IGF2BP2: variants seen among roughly 807,000 people sequenced by gnomAD.
The protein encoded by IGF2BP2 is insulin-like growth factor 2 mRNA-binding protein 2.
In IGF2BP2, 17 loss-of-function variants were observed where a neutral mutation model predicts 75.8. The ratio of observed to expected loss-of-function variants is 0.22; its 90% CI spans 0.15 to 0.34. The LOEUF (loss-of-function observed/expected upper bound fraction) is 0.34. IGF2BP2 is among the 10% of genes least tolerant of loss of function. IGF2BP2 has a pLI of 1.00. For missense variants in IGF2BP2, 516 were observed against 772.4 expected (o/e 0.67, Z 3.93); for synonymous variants, 288 against 295.6 (o/e 0.97, Z 0.26).
At chr3:185,808,058 TA>T (rs1361098209) in intron 2 of IGF2BP2, among the ~76,000 whole-genome samples, 1 of 147,970 alleles carries the variant, frequency 6.8e-6, no homozygotes, top group Non-Finnish European at 1.5e-5. Flanking sequence ...GGTAGGAGAA[TA>T]GCTTGAGCCT....
At chr3:185,812,015 G>C (rs1438142007) in intron 2 of IGF2BP2, among the ~76,000 whole-genome samples, 1 of 152,138 alleles carries the variant, frequency 6.6e-6, no homozygotes, top group African/African-American at 2.4e-5. Flanking sequence ...TATTTTTACT[G>C]TTTTAAAGTA....
chr3:185,706,487 G>A (rs1724039830), intron 2 of IGF2BP2, among the ~76,000 whole-genome samples: 1 of 152,196 alleles, frequency 6.6e-6, no homozygotes, highest in Non-Finnish European at 1.5e-5. Context: ...AGATGTCTGT[G>A]AGAAGACTGG....
chr3:185,709,000 T>A (rs967513508), intron 2 of IGF2BP2, among the ~76,000 whole-genome samples: 6 of 152,218 alleles, frequency 3.9e-5, no homozygotes, highest in Admixed American at 6.5e-5. Context: ...AATTGTGTTT[T>A]TAGAGAAGTG....
chr3:185,687,013 T>C (rs1721230378), intron 7 of IGF2BP2, 44 bp downstream of exon 7: 1 of 1,592,606 alleles, frequency 6.3e-7, no homozygotes, highest in Non-Finnish European at 8.5e-7. Context: ...GAGAATCTAC[T>C]CTTTTTCTCT....
intron 2 of IGF2BP2, among the ~76,000 whole-genome samples, chr3:185,791,148 T>C (rs969822214): frequency 6.6e-6 from 1 of 152,234 alleles, no homozygotes; most frequent in Non-Finnish European, 1.5e-5. Flanking sequence ...GCACTGGAAC[T>C]GTATTGGTCC....
At chr3:185,658,440 G>A in intron 10 of IGF2BP2, 31 bp from the exon 11 acceptor site, 2 of 1,591,898 alleles carry the variant, frequency 1.3e-6, no homozygotes, top group Non-Finnish European at 1.7e-6. Flanking sequence ...TCAGTGGGCG[G>A]GTGCTCTCAG....
At chr3:185,738,171 A>G (rs10440055) in intron 2 of IGF2BP2, among the ~76,000 whole-genome samples, 7,809 of 152,318 alleles carry the variant, frequency 0.051, 668 homozygotes, top group African/African-American at 0.18. Context: ...CTCACTTGCT[A>G]TCTATTTTGA....
At chr3:185,686,200 A>G (rs1199388779) in intron 7 of IGF2BP2, among the ~76,000 whole-genome samples, 1 of 152,140 alleles carries the variant, frequency 6.6e-6, no homozygotes. Context: ...CCTGGCCAAC[A>G]TGGTGAAACC....
At chr3:185,805,599 GA>G (rs924668526) in intron 2 of IGF2BP2, among the ~76,000 whole-genome samples, 4 of 151,978 alleles carry the variant, frequency 2.6e-5, no homozygotes, top group Non-Finnish European at 1.5e-5. Flanking sequence ...GGAAAACTGA[GA>G]AAAAAATACA....
chr3:185,710,976 AC>A (rs918594709), intron 2 of IGF2BP2, among the ~76,000 whole-genome samples: 5 of 152,138 alleles, frequency 3.3e-5, no homozygotes, highest in African/African-American at 1.2e-4. Flanking sequence ...TAGCTCTCAA[AC>A]CTAATGTCAC....
At chr3:185,705,565 G>GAA (rs11350184) in intron 2 of IGF2BP2, among the ~76,000 whole-genome samples, 92 of 148,210 alleles carry the variant, frequency 6.2e-4, no homozygotes, top group African/African-American at 2.2e-3. Flanking sequence ...AATGAAACAG[G>GAA]AAAAAAAAAA....
intron 2 of IGF2BP2, among the ~76,000 whole-genome samples, chr3:185,773,172 A>C (rs1320334307): frequency 6.6e-6 from 1 of 152,212 alleles, no homozygotes; most frequent in Non-Finnish European, 1.5e-5. Flanking sequence ...CAAACCAAAA[A>C]GATAGCTGGC....
intron 10 of IGF2BP2, 32 bp from the exon 11 acceptor site, chr3:185,658,441 G>A: frequency 6.3e-7 from 1 of 1,592,078 alleles, no homozygotes; most frequent in Non-Finnish European, 8.6e-7. Flanking sequence ...CAGTGGGCGG[G>A]TGCTCTCAGG....
chr3:185,767,466 C>A (rs1236860517), intron 2 of IGF2BP2, among the ~76,000 whole-genome samples: 1 of 152,158 alleles, frequency 6.6e-6, no homozygotes, highest in Admixed American at 6.5e-5. Flanking sequence ...AATTATAAAA[C>A]ATCAAGTTAA....
At chr3:185,677,068 T>TATATATATATAGAG in intron 7 of IGF2BP2, among the ~76,000 whole-genome samples, 14 of 35,860 alleles carry the variant, frequency 3.9e-4, no homozygotes, top group South Asian at 2.2e-3. Context: ...TATATATATA[T>TATATATATATAGAG]AGAGAGAGAG....
chr3:185,658,946 G>A (rs1715931944), intron 10 of IGF2BP2, among the ~76,000 whole-genome samples: 1 of 152,210 alleles, frequency 6.6e-6, no homozygotes, highest in African/African-American at 2.4e-5. Flanking sequence ...CCTGAGAAGG[G>A]AGAAATGTCA....
intron 2 of IGF2BP2, among the ~76,000 whole-genome samples, chr3:185,787,569 C>T (rs774457163): frequency 6.6e-6 from 1 of 152,110 alleles, no homozygotes; most frequent in African/African-American, 2.4e-5. Context: ...CCCACCTCTA[C>T]TAAAGATACA....
intron 2 of IGF2BP2, among the ~76,000 whole-genome samples, chr3:185,795,499 T>G (rs2149892686): frequency 6.6e-6 from 1 of 152,352 alleles, no homozygotes; most frequent in African/African-American, 2.4e-5. Context: ...GCAGTGAAAT[T>G]GCTGGATCTC....
At chr3:185,779,205 A>G (rs1471519329) in intron 2 of IGF2BP2, among the ~76,000 whole-genome samples, 2 of 152,196 alleles carry the variant, frequency 1.3e-5, no homozygotes, top group African/African-American at 2.4e-5. Flanking sequence ...ACCACAGGAA[A>G]TCTAGGAAAG....
Sources: gnomAD v4.1 joint callset for allele counts (sites outside exome capture counted in the v4.1 genomes callset) on GRCh38, gnomAD v4.1.1 for gene constraint, MANE v1.5 for transcripts, NCBI Gene and HGNC (gene_info 2026-07-23, HGNC 2026-07-21) for gene names.